The following CAST variants were observed in gnomAD, a reference collection of about 807,000 sequenced individuals.
The protein encoded by CAST is calpastatin, also known as MIR583 host.
Under a neutral mutation model 119.6 loss-of-function variants are expected in CAST, and 76 were observed. The ratio of observed to expected loss-of-function variants is 0.64; its 90% confidence interval spans 0.53 to 0.77. The LOEUF (loss-of-function observed/expected upper bound fraction) is 0.77, where lower values mean the gene tolerates loss of function less well. Among genes scored for constraint, CAST ranks in the 30% least tolerant of loss-of-function variants. The pLI is 0.00. For missense variants in CAST, 953 were observed against 946.5 expected (o/e 1.01, Z -0.09); for synonymous variants, 319 against 331.6 (o/e 0.96, Z 0.41).
the CAST span, among the ~76,000 whole-genome samples, chr5:96,488,872 C>T: frequency 4.6e-5 from 7 of 152,210 alleles, no homozygotes; most frequent in Admixed American, 3.3e-4. Context: ...CAAACTCTCT[C>T]TTTTTGAGGC....
chr5:96,575,953 T>C (rs977711966), intron 1 of CAST, among the ~76,000 whole-genome samples: 2 of 152,318 alleles, frequency 1.3e-5, no homozygotes, highest in East Asian at 3.9e-4. Flanking sequence ...TCTGCTTCAA[T>C]TGATATGACC....
At chr5:96,061,393 C>T in the CAST span, among the ~76,000 whole-genome samples, 1 of 152,074 alleles carries the variant, frequency 6.6e-6, no homozygotes, top group Admixed American at 6.6e-5. Flanking sequence ...AAAAGTGGTA[C>T]GTTCACAAAG....
the CAST span, among the ~76,000 whole-genome samples, chr5:96,363,393 G>T: frequency 2.0e-5 from 3 of 150,718 alleles, no homozygotes; most frequent in African/African-American, 7.3e-5. Context: ...TAGCTTGATG[G>T]GGATGGCATT....
chr5:96,603,396 T>G (rs991970532), intron 1 of CAST, among the ~76,000 whole-genome samples: 3 of 152,160 alleles, frequency 2.0e-5, no homozygotes, highest in Non-Finnish European at 4.4e-5. Flanking sequence ...TTTAAATTTT[T>G]AATTTTTTTA....
chr5:96,278,730 A>G, the CAST span: 2 of 152,332 alleles, frequency 1.3e-5, no homozygotes, highest in African/African-American at 4.8e-5. Context: ...TGCATGCTCA[A>G]TATACCACTT....
the CAST span, among the ~76,000 whole-genome samples, chr5:96,282,529 G>A: frequency 1.8e-3 from 271 of 152,188 alleles, 1 homozygote; most frequent in African/African-American, 6.2e-3. Context: ...GGATACTGTC[G>A]TCAGAAATTT....
chr5:96,289,202 GT>G, the CAST span, among the ~76,000 whole-genome samples: 1 of 151,954 alleles, frequency 6.6e-6, no homozygotes, highest in Non-Finnish European at 1.5e-5. Context: ...TACATAAAAT[GT>G]TTTTATTGTA....
chr5:96,077,922 C>T, the CAST span, among the ~76,000 whole-genome samples: 10 of 152,338 alleles, frequency 6.6e-5, 1 homozygote, highest in African/African-American at 2.4e-4. Flanking sequence ...TACACTTTGA[C>T]TACTGGATAG....
chr5:96,563,352 GATGAGTAGGAGGAAAA>G (rs1746415302), intron 1 of CAST, among the ~76,000 whole-genome samples: 1 of 152,084 alleles, frequency 6.6e-6, no homozygotes, highest in South Asian at 2.1e-4. Flanking sequence ...ATGGACCCAG[GATGAGTAGGAGGAAAA>G]ATATTTTTCT....
In CAST at chr5:96,766,132, A is replaced by G; in HGVS notation, c.2117A>G (p.Asp706Gly). Residue 706 changes from aspartate to glycine, a missense_variant, in exon 27 of 32, where the codon GAT becomes GGT. Physicochemically the swap from Asp to Gly is moderately conservative, Grantham distance 94. Transcript: ENST00000675179. ...TIPPEYRHLLDDNGQDKPVKP... is the reference protein window; with the variant it reads ...TIPPEYRHLLGDNGQDKPVKP... ...CCACCTGAATACAGACATCTCCTGGATGATAATGGACAGGTAAACTGAGGC... is the reference window on the plus strand; with the variant it reads ...CCACCTGAATACAGACATCTCCTGGGTGATAATGGACAGGTAAACTGAGGC... 6.2e-7 allele frequency: 1 copy of G among 1,600,890 alleles called. No homozygotes were observed. Among genetic ancestry groups the G allele is most frequent in the Non-Finnish European group, 8.6e-7 (1 of 1,168,760 alleles).
the CAST span, among the ~76,000 whole-genome samples, chr5:96,386,896 CAG>C: frequency 6.6e-6 from 1 of 152,118 alleles, no homozygotes; most frequent in Non-Finnish European, 1.5e-5. Flanking sequence ...ACCCAGGAAA[CAG>C]AGGTTGCAGT....
At chr5:96,580,683 C>A (rs1461578865) in intron 1 of CAST, among the ~76,000 whole-genome samples, 1 of 152,208 alleles carries the variant, frequency 6.6e-6, no homozygotes, top group Non-Finnish European at 1.5e-5. Flanking sequence ...TTATACGGAT[C>A]ACTTCTAGGG....
At chr5:96,451,111 G>A in the CAST span, among the ~76,000 whole-genome samples, 1 of 151,640 alleles carries the variant, frequency 6.6e-6, no homozygotes, top group Non-Finnish European at 1.5e-5. Context: ...CCTACCATTT[G>A]CTCCTGTGAT....
At chr5:96,614,359 C>T (rs530366745) in intron 1 of CAST, among the ~76,000 whole-genome samples, 10 of 152,262 alleles carry the variant, frequency 6.6e-5, no homozygotes, top group Admixed American at 1.3e-4. Flanking sequence ...CCTACTACAG[C>T]GCCTCAGTGT....
the CAST span, among the ~76,000 whole-genome samples, chr5:96,491,310 C>A: frequency 8.2e-5 from 11 of 134,680 alleles, no homozygotes; most frequent in Non-Finnish European, 1.8e-4. Flanking sequence ...ACGGTGAAAC[C>A]CCATCTCTAC....
At chr5:96,074,875 T>C in the CAST span, among the ~76,000 whole-genome samples, 1 of 152,212 alleles carries the variant, frequency 6.6e-6, no homozygotes, top group Admixed American at 6.5e-5. Context: ...CTGTATCTTG[T>C]TTGCATATTC....
At chr5:96,574,472 T>A (rs896333959) in intron 1 of CAST, among the ~76,000 whole-genome samples, 2 of 152,244 alleles carry the variant, frequency 1.3e-5, no homozygotes, top group Non-Finnish European at 2.9e-5. Flanking sequence ...TAATCTTTTC[T>A]CCATTGTGTA....
At position 96,771,606 on chromosome 5, in the gene CAST, A is replaced by G. The variant is rs956488627; in HGVS notation, c.2341-38A>G. ...GGCCATCTCCTCATACTTAATACAG[A>G]AAAGAAAGCTCACGGATGGTTTTGC... On this transcript the variant is annotated intron_variant, in intron 30 of 31. Coordinates refer to ENST00000675179, the MANE Select transcript of CAST (RefSeq NM_001750.7). 11 of 1,584,200 alleles carry G rather than the reference A, an allele frequency of 6.9e-6. No individual in the cohort carries two copies. The African/African-American group carries it at 1.2e-4, about 18-fold the overall frequency.
the CAST span, among the ~76,000 whole-genome samples, chr5:96,248,888 G>C: frequency 6.6e-6 from 1 of 152,184 alleles, no homozygotes; most frequent in Non-Finnish European, 1.5e-5. Flanking sequence ...ATTATTGCCT[G>C]TTAATGCTTT....
Sources: allele counts gnomAD v4.1 joint callset (sites outside exome capture counted in the v4.1 genomes callset), GRCh38; gene constraint gnomAD v4.1.1; transcripts MANE v1.5; gene names NCBI Gene and HGNC (gene_info 2026-07-23, HGNC 2026-07-21).